Variants in KDM2B observed in about 807,000 individuals in gnomAD.
The protein encoded by KDM2B is lysine demethylase 2B.
A neutral mutation model predicts 150.0 loss-of-function variants in KDM2B; 26 were observed. That is an observed-to-expected ratio of 0.17 (90% CI 0.13 to 0.24). The LOEUF (loss-of-function observed/expected upper bound fraction) is 0.24, where lower values mean the gene tolerates loss of function less well. Ranked by LOEUF, KDM2B falls within the 10% of genes least tolerant of loss-of-function variation. KDM2B has a pLI of 1.00. For missense variants in KDM2B, 1,265 were observed against 1,816.9 expected, an observed-to-expected ratio of 0.70 and a Z score of 5.52; for synonymous variants, 734 against 729.5, an observed-to-expected ratio of 1.01 and a Z score of -0.10.
intron 4 of KDM2B, among the ~76,000 whole-genome samples, chr12:121,550,519 T>C (rs1889405415): frequency 6.6e-6 from 1 of 152,092 alleles, no homozygotes; most frequent in Non-Finnish European, 1.5e-5. Context: ...AACTTTCCTT[T>C]TTACTCTGTT....
At chr12:121,421,371 T>TAAAAAAAAAAAAA in the KDM2B span, among the ~76,000 whole-genome samples, 2 of 46,370 alleles carry the variant, frequency 4.3e-5, no homozygotes, top group Non-Finnish European at 4.4e-5. Context: ...ATCCCATCTC[T>TAAAAAAAAAAAAA]AAAAAAAAAA....
At chr12:121,411,815 A>G in the KDM2B span, among the ~76,000 whole-genome samples, 1 of 152,216 alleles carries the variant, frequency 6.6e-6, no homozygotes, top group African/African-American at 2.4e-5. Context: ...AAGGGGGATA[A>G]AAGCTAAGAG....
intron 11 of KDM2B, among the ~76,000 whole-genome samples, chr12:121,508,477 G>C (rs1462078252): frequency 2.0e-5 from 3 of 152,178 alleles, no homozygotes; most frequent in Non-Finnish European, 2.9e-5. Context: ...CCAATCCTGA[G>C]TACTTTACAG....
At chr12:121,421,197 A>G in the KDM2B span, among the ~76,000 whole-genome samples, 13,528 of 151,926 alleles carry the variant, frequency 0.089, 723 homozygotes, top group South Asian at 0.23. Context: ...CTTAGCATCA[A>G]CTATCTGTAG....
Position 121,520,743 on chromosome 12 carries a change from G to A in KDM2B, c.1047+242C>T, listed in dbSNP as rs868973606. On this transcript the variant is annotated intron_variant, in intron 9 of 22. Coordinates refer to ENST00000377071, the MANE Select transcript of KDM2B (RefSeq NM_032590.5). This position sits in a 1 kb window ranked among gnomAD's most constrained non-coding sequence, Gnocchi z 4.5. ...AGAGACACTTCCTCTTCCACAAGGG[G>A]GTTTTGGCTGCCCCCAACCTGGAGG... Among the ~76,000 whole-genome samples, 6 of 152,288 alleles carry A rather than the reference G, an allele frequency of 3.9e-5. No individual in the cohort carries two copies. The South Asian group carries it at 1.0e-3, about 26-fold the overall frequency.
At position 121,442,149 on chromosome 12, in the gene KDM2B, C is replaced by G. The variant is rs1555288432; in HGVS notation, c.3284+8G>C. 1.2e-6 allele frequency: 2 copies of G among 1,613,096 alleles called. No individual in the cohort carries two copies. ...TTAACCTAGAGCCCTACACAGGCCG[C>G]CGCTCACCAGCGGTTCCAGGTCCTG... On this transcript the variant is annotated splice_region_variant and intron_variant, in intron 19 of 22. Coordinates refer to ENST00000377071, the MANE Select transcript of KDM2B (RefSeq NM_032590.5). This position sits in a 1 kb window ranked among gnomAD's most constrained non-coding sequence, Gnocchi z 7.7.
chr12:121,445,430 G>C lies in KDM2B; in HGVS notation c.1960-12C>G, dbSNP rs566853452. The C allele has an allele frequency of 2.5e-6, 4 of 1,581,616 alleles. No individual in the cohort carries two copies. ...TGGGGCAGCACTGGCTGAGGAGCCA[G>C]GGAGAACAAGACAAGTCATCAGGGG... On this transcript the variant is annotated splice_polypyrimidine_tract_variant and intron_variant, in intron 13 of 22. Transcript: ENST00000377071.
rs541349042 is a variant in KDM2B at position 121,504,592 on chromosome 12, G to T, written c.1647+4975C>A. ...ATATCTAGAATAAGTAAATCCACGGGACAGAAAGCAGATTCGCAGTGAAGA... is the reference window on the plus strand; with the variant it reads ...ATATCTAGAATAAGTAAATCCACGGTACAGAAAGCAGATTCGCAGTGAAGA... On this transcript the variant is annotated intron_variant, in intron 11 of 22. Transcript: ENST00000377071. Among the ~76,000 whole-genome samples, 8 of 152,250 alleles carry T rather than the reference G, an allele frequency of 5.3e-5. No individual in the cohort carries two copies. In the East Asian group the frequency reaches 1.5e-3, roughly 29 times the overall value.
At chr12:121,572,503 T>C (rs1440887711) in intron 4 of KDM2B, among the ~76,000 whole-genome samples, 1 of 152,152 alleles carries the variant, frequency 6.6e-6, no homozygotes, top group African/African-American at 2.4e-5. Flanking sequence ...CCACAGCTGA[T>C]TCTCATCAGT....
chr12:121,571,764 C>T (rs1555315994), intron 4 of KDM2B, among the ~76,000 whole-genome samples: 1 of 151,538 alleles, frequency 6.6e-6, no homozygotes, highest in Non-Finnish European at 1.5e-5. Flanking sequence ...GATTCTCCTG[C>T]CTCAGCCTCC....
At chr12:121,410,355 G>T in the KDM2B span, among the ~76,000 whole-genome samples, 4 of 152,058 alleles carry the variant, frequency 2.6e-5, no homozygotes, top group Non-Finnish European at 1.5e-5. Context: ...TGGACAACAT[G>T]GTGAAACCCC....
intron 12 of KDM2B, among the ~76,000 whole-genome samples, chr12:121,475,180 CTCTGTGTGTGTGTGTGTG>C (rs1303782645): frequency 1.3e-4 from 14 of 111,006 alleles, no homozygotes; most frequent in Admixed American, 1.2e-3. Context: ...CTACACATGA[CTCTGTGTGTGTGTGTGTG>C]TGTGTGTGTG....
At chr12:121,476,796 A>AT (rs1459838309) in intron 12 of KDM2B, among the ~76,000 whole-genome samples, 3 of 151,698 alleles carry the variant, frequency 2.0e-5, no homozygotes, top group Admixed American at 6.6e-5. Context: ...CTTGTTCTTC[A>AT]TTTCATGGAT....
intron 10 of KDM2B, among the ~76,000 whole-genome samples, chr12:121,510,703 G>A (rs1345323610): frequency 6.6e-6 from 1 of 151,998 alleles, no homozygotes; most frequent in African/African-American, 2.4e-5. Flanking sequence ...TGAGATGGGA[G>A]GATCACTTGA....
At chr12:121,510,186 A>G (rs1466689448) in intron 10 of KDM2B, 147 bp from the exon 11 acceptor site, 11 of 716,772 alleles carry the variant, frequency 1.5e-5, no homozygotes, top group Non-Finnish European at 2.2e-5. Flanking sequence ...AGCCTCTGGA[A>G]AGGCCGTGGG....
intron 12 of KDM2B, among the ~76,000 whole-genome samples, chr12:121,473,643 A>T (rs1423918353): frequency 6.8e-6 from 1 of 146,016 alleles, no homozygotes; most frequent in African/African-American, 2.5e-5. Context: ...AGCTTGAACC[A>T]GGGAGGCAGA....
downstream of KDM2B, among the ~76,000 whole-genome samples, chr12:121,426,002 C>T (rs1320427131): frequency 6.6e-6 from 1 of 152,090 alleles, no homozygotes; most frequent in Non-Finnish European, 1.5e-5. Flanking sequence ...CTCCTGACCT[C>T]ATGATCCACC....
At chr12:121,489,964 C>T (rs918761764) in intron 12 of KDM2B, among the ~76,000 whole-genome samples, 1 of 152,216 alleles carries the variant, frequency 6.6e-6, no homozygotes, top group Non-Finnish European at 1.5e-5. Context: ...CCAGCCTCCT[C>T]CGCCTCAACT....
At chr12:121,443,976 C>A (rs369348434) in intron 16 of KDM2B, 36 bp downstream of exon 16, 3 of 1,576,570 alleles carry the variant, frequency 1.9e-6, no homozygotes, top group Non-Finnish European at 2.6e-6. Flanking sequence ...CCAGCCAGAC[C>A]AACCCCTTTG....
Sources: gnomAD v4.1 joint callset for allele counts (sites outside exome capture counted in the v4.1 genomes callset) on GRCh38, gnomAD v4.1.1 for gene constraint, Gnocchi (gnomAD v3.1) non-coding constraint, MANE v1.5 for transcripts, NCBI Gene and HGNC (gene_info 2026-07-23, HGNC 2026-07-21) for gene names.